Variants in LRRC37A2 observed in about 807,000 individuals in gnomAD.
LRRC37A2 encodes leucine rich repeat containing 37 member A2, also known as leucine-rich repeat-containing protein 37A2.
A neutral mutation model predicts 68.8 loss-of-function variants in LRRC37A2; 9 were observed. The ratio of observed to expected loss-of-function variants is 0.13; its 90% CI spans 0.08 to 0.23. LRRC37A2 has a LOEUF of 0.23. Among genes scored for constraint, LRRC37A2 ranks in the 10% least tolerant of loss-of-function variants. LRRC37A2 has a pLI of 1.00. For missense variants in LRRC37A2, 168 were observed against 950.4 expected, an observed-to-expected ratio of 0.18 and a Z score of 10.82; for synonymous variants, 63 against 367.6, an observed-to-expected ratio of 0.17 and a Z score of 9.48.
chr17:46,870,941 T>C, the LRRC37A2 span, among the ~76,000 whole-genome samples: 3 of 145,808 alleles, frequency 2.1e-5, no homozygotes, highest in South Asian at 6.8e-4. Context: ...GATAGGGTCT[T>C]GCTCTGTTTC....
the LRRC37A2 span, among the ~76,000 whole-genome samples, chr17:46,873,385 C>T: frequency 1.3e-5 from 2 of 151,994 alleles, no homozygotes; most frequent in African/African-American, 2.4e-5. Context: ...CTGAACCAGA[C>T]CCAGCTACCC....
chr17:47,000,127 A>AAAATAAAAT, the LRRC37A2 span, among the ~76,000 whole-genome samples: 1 of 131,100 alleles, frequency 7.6e-6, no homozygotes, highest in East Asian at 7.3e-4. Context: ...AAAATAAAAT[A>AAAATAAAAT]AAATAAAATA....
the LRRC37A2 span, chr17:46,940,019 A>T: frequency 1.9e-6 from 2 of 1,038,172 alleles, no homozygotes; most frequent in Non-Finnish European, 2.3e-6. Context: ...CTCAGTATTA[A>T]CCCTACCTTT....
the LRRC37A2 span, among the ~76,000 whole-genome samples, chr17:46,986,716 C>G: frequency 6.6e-6 from 1 of 152,212 alleles, no homozygotes; most frequent in Non-Finnish European, 1.5e-5. Context: ...AAAACCAGTG[C>G]TGCTTATGGT....
chr17:47,027,506 A>G, the LRRC37A2 span: 7 of 859,496 alleles, frequency 8.1e-6, no homozygotes, highest in Admixed American at 9.3e-5. Context: ...ATTCATACCA[A>G]TCAACATTTA....
At chr17:46,555,362 T>A in exon 14 of LRRC37A2, 1 of 1,515,640 alleles carries the variant, frequency 6.6e-7, no homozygotes, top group Non-Finnish European at 9.0e-7. Context: ...GAATAAATAA[T>A]CATGCATGGA....
the LRRC37A2 span, among the ~76,000 whole-genome samples, chr17:46,714,804 A>G: frequency 6.6e-6 from 1 of 152,100 alleles, no homozygotes; most frequent in Non-Finnish European, 1.5e-5. Context: ...TTCATGCTTG[A>G]TCTTTTATAG....
the LRRC37A2 span, among the ~76,000 whole-genome samples, chr17:46,847,949 C>G: frequency 6.9e-6 from 1 of 145,002 alleles, no homozygotes; most frequent in Non-Finnish European, 1.5e-5. Flanking sequence ...TCAGCCTCAT[C>G]ATGTTTGTGA....
chr17:46,913,232 G>A, the LRRC37A2 span, among the ~76,000 whole-genome samples: 8 of 152,210 alleles, frequency 5.3e-5, no homozygotes, highest in Admixed American at 6.5e-5. Context: ...ATACTTAGGC[G>A]AATAAGTTAA....
the LRRC37A2 span, among the ~76,000 whole-genome samples, chr17:46,851,425 C>T: frequency 6.8e-6 from 1 of 148,004 alleles, no homozygotes; most frequent in Non-Finnish European, 1.5e-5. This position sits in a 1 kb window ranked among gnomAD's most constrained non-coding sequence, Gnocchi z 4.3. Context: ...GGTCCAGGGG[C>T]GGCTGCCCCA....
the LRRC37A2 span, chr17:46,875,330 A>G: frequency 1.9e-6 from 3 of 1,612,118 alleles, no homozygotes; most frequent in Non-Finnish European, 2.5e-6. Flanking sequence ...ACCTGCGGGC[A>G]CGGGCAGACG....
At chr17:46,749,738 A>G in the LRRC37A2 span, 1 of 1,591,058 alleles carries the variant, frequency 6.3e-7, no homozygotes, top group Non-Finnish European at 8.6e-7. Context: ...TAGTCTTATT[A>G]TGTACATTTT....
At chr17:46,575,150 T>C in the LRRC37A2 span, among the ~76,000 whole-genome samples, 510 of 109,554 alleles carry the variant, frequency 4.7e-3, 1 homozygote, top group African/African-American at 0.014. Context: ...AATTCAATAT[T>C]CAGAACAGAA....
At chr17:46,874,009 G>A in the LRRC37A2 span, among the ~76,000 whole-genome samples, 1 of 148,822 alleles carries the variant, frequency 6.7e-6, no homozygotes, top group East Asian at 2.0e-4. Context: ...AAAAAAAAAT[G>A]CAGTGATGCT....
chr17:47,040,149 A>C, the LRRC37A2 span, among the ~76,000 whole-genome samples: 1 of 151,246 alleles, frequency 6.6e-6, no homozygotes, highest in Non-Finnish European at 1.5e-5. Context: ...AGCTGAATTA[A>C]ATCCTTCTCT....
the LRRC37A2 span, chr17:46,773,616 T>TGGGGGGGGG: frequency 2.0e-6 from 2 of 997,790 alleles, no homozygotes; most frequent in Non-Finnish European, 1.5e-6. Flanking sequence ...CATACAGTCC[T>TGGGGGGGGG]GATCCCTCCC....
the LRRC37A2 span, chr17:46,750,008 C>A: frequency 7.6e-7 from 1 of 1,322,950 alleles, no homozygotes; most frequent in Non-Finnish European, 1.1e-6. Context: ...TTATGCTAAT[C>A]TGGAACATGG....
the LRRC37A2 span, among the ~76,000 whole-genome samples, chr17:46,489,649 C>T: frequency 1.4e-5 from 2 of 147,746 alleles, no homozygotes; most frequent in African/African-American, 5.2e-5. Context: ...CCATACCCGG[C>T]TTATTTTTTT....
At chr17:46,900,220 CATAT>C in the LRRC37A2 span, among the ~76,000 whole-genome samples, 27 of 122,168 alleles carry the variant, frequency 2.2e-4, 1 homozygote, top group African/African-American at 1.0e-3. Context: ...CACACACACA[CATAT>C]ATATATATAT....
Sources: gnomAD v4.1 joint callset for allele counts (sites outside exome capture counted in the v4.1 genomes callset) on GRCh38, gnomAD v4.1.1 for gene constraint, Gnocchi (gnomAD v3.1) non-coding constraint, MANE v1.5 for transcripts, NCBI Gene and HGNC (gene_info 2026-07-23, HGNC 2026-07-21) for gene names.